OGDHL: variants seen among roughly 807,000 people sequenced by gnomAD.
OGDHL encodes 2-oxoglutarate dehydrogenase-like, mitochondrial.
A neutral mutation model predicts 109.6 loss-of-function variants in OGDHL; 79 were observed. The observed-to-expected ratio is 0.72, with a 90% CI of 0.60 to 0.87. The LOEUF is 0.87. Ranked by LOEUF, OGDHL falls within the 40% of genes least tolerant of loss-of-function variation. The pLI, the probability that OGDHL is intolerant of heterozygous loss-of-function variation, is 0.00. For synonymous variants in OGDHL, 528 were observed against 537.2 expected (o/e 0.98, Z 0.24); for missense variants, 1,275 against 1,362.2 (o/e 0.94, Z 1.01).
rs749291668 is a variant in OGDHL, at chr10:49,758,366, C to T, written c.204+23G>A. 1.8e-5 allele frequency: 29 copies of T among 1,591,702 alleles called. No homozygotes were observed. The South Asian group carries it at 2.2e-4, about 12-fold the overall frequency. On this transcript the variant is annotated intron_variant, in intron 2 of 22. Coordinates refer to ENST00000374103, the MANE Select transcript of OGDHL (RefSeq NM_018245.3). ...AGGGCTTCCCTCCCTTGCGGTGGCC[C>T]AGGGTAGGGTGGGGATGCTGACCTT...
rs761182705 is a variant in OGDHL, at chr10:49,745,954, TC to T, written c.1319del (p.Arg440GlnfsTer23). 1.9e-6 allele frequency: 3 copies of T among 1,614,136 alleles called. No individual in the cohort carries two copies. The highest frequency in any genetic ancestry group is 2.5e-6 in the Non-Finnish European group (3 of 1,180,014). ...NNQIGFTTDPRMARSSPYPTD... is the reference protein window; with the variant it reads ...NNQIGFTTDPXMARSSPYPTD... ...TCGGGTATGGTGAGGAGCGGGCCAT[TC>T]GGGGGTCTGTGGTGAATCCAATCTG... On this transcript the variant is annotated frameshift_variant, in exon 11 of 23. Transcript: ENST00000374103. LOFTEE classifies it high-confidence loss of function.
intron 8 of OGDHL, among the ~76,000 whole-genome samples, chr10:49,749,488 A>G (rs1278172363): frequency 6.6e-6 from 1 of 152,168 alleles, no homozygotes; most frequent in Non-Finnish European, 1.5e-5. Flanking sequence ...CCCTAGCTCA[A>G]AACAGGGAGG....
At chr10:49,758,173 A>G (rs919147819) in intron 2 of OGDHL, among the ~76,000 whole-genome samples, 6 of 152,248 alleles carry the variant, frequency 3.9e-5, no homozygotes, top group Non-Finnish European at 8.8e-5. Flanking sequence ...GTGGCTGAGC[A>G]GGACATGGCC....
At position 49,739,659 on chromosome 10, in the gene OGDHL, A is replaced by ACCATGCCTT. The variant is rs755175968; in HGVS notation, c.2312_2319+1dup. ...GCCACCAGCCACCACCGCAGCCCTC[A>ACCATGCCTT]CCATGCCTTCCATGCCATGGGGCAG... is the stretch of plus-strand genomic sequence containing the variant. On this transcript the variant is annotated splice_donor_variant, in intron 17 of 22. Transcript: ENST00000374103. LOFTEE classifies it high-confidence loss of function. 4 of 1,612,790 alleles carry ACCATGCCTT rather than the reference A, an allele frequency of 2.5e-6. No homozygotes were observed. The South Asian group carries it at 4.4e-5, about 18-fold the overall frequency.
At chr10:49,745,192 C>T in intron 12 of OGDHL, 152 bp downstream of exon 12, 1 of 974,824 alleles carries the variant, frequency 1.0e-6, no homozygotes, top group Non-Finnish European at 1.5e-6. Flanking sequence ...TCTTGGTCCC[C>T]TTTGGTAACT....
Position 49,755,862 on chromosome 10 carries a change from C to G in OGDHL, c.375+914G>C, listed in dbSNP as rs1215808265. 1.3e-5 allele frequency among the ~76,000 whole-genome samples: 2 copies of G among 152,202 alleles called. 1 individual carries two copies. The highest frequency in any genetic ancestry group is 2.9e-5 in the Non-Finnish European group (2 of 68,052). On this transcript the variant is annotated intron_variant, in intron 3 of 22. Transcript: ENST00000374103. Reference sequence around the variant, plus strand: ...CATCCTTGTTCTTCATTTTTGAAGTCAAGGGTTAGATCACTGTCTGCTTCT... The same window carrying G: ...CATCCTTGTTCTTCATTTTTGAAGTGAAGGGTTAGATCACTGTCTGCTTCT...
At position 49,740,696 on chromosome 10, in the gene OGDHL, G is replaced by A; in HGVS notation, c.2140+14C>T. ...TCTGGGGCCTGCCTGGCCTGCAGGA[G>A]AGCGTGGACCCACCCAGGACTCCGT... On this transcript the variant is annotated intron_variant, in intron 16 of 22. Transcript: ENST00000374103. 16 of 1,610,176 alleles carry A rather than the reference G, an allele frequency of 9.9e-6. No homozygotes were observed. Among genetic ancestry groups the A allele is most frequent in the Non-Finnish European group, 1.4e-5 (16 of 1,177,472 alleles).
At chr10:49,740,577 C>T (rs1841571378) in intron 16 of OGDHL, 133 bp downstream of exon 16, 1 of 1,142,436 alleles carries the variant, frequency 8.8e-7, no homozygotes, top group Non-Finnish European at 1.2e-6. Context: ...AATCACCATC[C>T]CCCAGGGCCA....
Position 49,736,148 on chromosome 10 carries a change from C to T in OGDHL, c.2784G>A (p.Lys928=). The change falls in exon 22 of 23, where the codon AAG becomes AAA. Residue 928 remains lysine, a synonymous_variant. Transcript: ENST00000374103. ...CACCTGGGTACTTCTCTGCCTCCTG[C>T]TTGATCAGGTCGAAGGGGAATGGAG... ...QISPFPFDLI[K]QEAEKYPGAE... is the part of the protein sequence containing the mutation. 1 of 1,606,284 alleles carries T rather than the reference C, an allele frequency of 6.2e-7. No individual in the cohort carries two copies.
intron 22 of OGDHL, 84 bp downstream of exon 22, chr10:49,735,939 G>C: frequency 7.0e-7 from 1 of 1,432,746 alleles, no homozygotes; most frequent in Non-Finnish European, 9.3e-7. Context: ...GGCCAGTTCT[G>C]GGTAGCATGG....
Position 49,756,943 on chromosome 10 carries a change from A to G in OGDHL, c.208T>C (p.Trp70Arg). The G allele has an allele frequency of 6.2e-7, 1 of 1,612,326 alleles. No individual in the cohort carries two copies. The highest frequency in any genetic ancestry group is 8.5e-7 in the Non-Finnish European group (1 of 1,179,146). Residue 70 changes from tryptophan to arginine, a missense_variant, in exon 3 of 23, where the codon TGG (tryptophan) becomes CGG (arginine). Coordinates refer to ENST00000374103, the MANE Select transcript of OGDHL (RefSeq NM_018245.3). The stretch of plus-strand genomic sequence containing the variant: ...CTGGCTTCCCTGAAGAAGCTGTCCC[A>G]GGACTAGGCAGGGCAGAAACAAGAA... ...LENPQSVHKS[W>R]DSFFREASEE...
chr10:49,756,681 A>AGAT, intron 3 of OGDHL, 95 bp downstream of exon 3: 2 of 1,227,380 alleles, frequency 1.6e-6, no homozygotes, highest in Non-Finnish European at 2.2e-6. Context: ...CTCTCTGGGG[A>AGAT]GATGATGTTG....
chr10:49,739,900 C>A, intron 16 of OGDHL, 61 bp from the exon 17 acceptor site: 3 of 1,539,636 alleles, frequency 1.9e-6, no homozygotes, highest in Non-Finnish European at 2.6e-6. Flanking sequence ...TGGCTCCAGT[C>A]AAATTTAGCC....
At chr10:49,742,377 A>C (rs2132990770) in intron 15 of OGDHL, among the ~76,000 whole-genome samples, 1 of 111,054 alleles carries the variant, frequency 9.0e-6, no homozygotes, top group East Asian at 5.9e-4. Context: ...ACACCCACAA[A>C]TACACACCAC....
In OGDHL at chr10:49,747,073, T is replaced by A; in HGVS notation, c.1123A>T (p.Thr375Ser). 1 of 1,614,182 alleles carries A rather than the reference T, an allele frequency of 6.2e-7. No individual in the cohort carries two copies. The highest frequency in any genetic ancestry group is 1.1e-5 in the South Asian group (1 of 91,084). Residue 375 changes from threonine to serine, a missense_variant, in exon 9 of 23, where the codon ACA becomes TCA. Coordinates refer to ENST00000374103, the MANE Select transcript of OGDHL (RefSeq NM_018245.3). ...EAVDPVVQGK[T>S]KAEQFYRGDA... ...CCACGGTAGAACTGCTCTGCCTTTG[T>A]CTTCCCCTGCACCACAGGGTCCACT...
intron 17 of OGDHL, chr10:49,738,549 G>T: frequency 2.1e-6 from 1 of 473,784 alleles, no homozygotes. Flanking sequence ...TCCTGGAACA[G>T]TGGCTGCCAC....
At chr10:49,750,702 C>T in intron 7 of OGDHL, 137 bp downstream of exon 7, 1 of 1,240,984 alleles carries the variant, frequency 8.1e-7, no homozygotes, top group Non-Finnish European at 1.1e-6. Context: ...AGGCCCAGGA[C>T]TCAGAACTTT....
Position 49,739,342 on chromosome 10 carries a change from T to C in OGDHL, c.2319+319A>G, listed in dbSNP as rs958887330. ...CCTACTCCCCAGCTCTGTGCCTCTG[T>C]TTCCTCATCTGAAAAGCAGGAACAC... On this transcript the variant is annotated intron_variant, in intron 17 of 22. Transcript: ENST00000374103. The C allele has an allele frequency of 3.6e-5, 10 of 280,736 alleles. No individual in the cohort carries two copies. In the Admixed American group the frequency reaches 4.0e-4, roughly 11 times the overall value. 17.4% of individuals were successfully genotyped at this position (280,736 alleles called of 1,614,324 possible).
At position 49,745,666 on chromosome 10, in the gene OGDHL, T is replaced by C; in HGVS notation, c.1476+132A>G. ...CGTCCCAGGCCTTTGCACAGATTGC[T>C]CTTGGTGGCATAAATCTCTCATCCA... On this transcript the variant is annotated intron_variant, in intron 11 of 22. Transcript: ENST00000374103. 3 of 1,307,060 alleles carry C rather than the reference T, an allele frequency of 2.3e-6. No homozygotes were observed. In the South Asian group the frequency reaches 4.2e-5, roughly 18 times the overall value. 81.0% of individuals were successfully genotyped at this position (1,307,060 alleles called of 1,614,324 possible). A position where few individuals can be genotyped will look rare whatever the true frequency, so the allele number is the denominator to read the frequency against.
Sources: gnomAD v4.1 joint callset for allele counts (sites outside exome capture counted in the v4.1 genomes callset) on GRCh38, gnomAD v4.1.1 for gene constraint, MANE v1.5 for transcripts, NCBI Gene and HGNC (gene_info 2026-07-23, HGNC 2026-07-21) for gene names.